Variants in EXOC6B observed in about 807,000 individuals in gnomAD.
EXOC6B encodes SEC15 homolog B.
Under a neutral mutation model 113.5 loss-of-function variants are expected in EXOC6B, and 54 were observed. The ratio of observed to expected loss-of-function variants is 0.48; its 90% CI spans 0.38 to 0.60. EXOC6B has a LOEUF of 0.60. EXOC6B is among the 20% of genes least tolerant of loss of function. EXOC6B has a pLI of 0.00. For synonymous variants in EXOC6B, 357 were observed against 339.0 expected, an observed-to-expected ratio of 1.05 and a Z score of -0.58; for missense variants, 797 against 977.5, an observed-to-expected ratio of 0.82 and a Z score of 2.46.
chr2:72,476,428 A>G (rs1411746911), intron 17 of EXOC6B, among the ~76,000 whole-genome samples: 1 of 152,168 alleles, frequency 6.6e-6, no homozygotes, highest in African/African-American at 2.4e-5. Context: ...GGAGGAGGTG[A>G]GTATGAAATA....
chr2:72,684,237 C>A (rs1676928840), intron 6 of EXOC6B, among the ~76,000 whole-genome samples: 1 of 152,050 alleles, frequency 6.6e-6, no homozygotes, highest in Admixed American at 6.6e-5. Flanking sequence ...GCAATTTATT[C>A]TTATATCCCT....
At chr2:72,558,449 A>G (rs1703694594) in intron 8 of EXOC6B, among the ~76,000 whole-genome samples, 1 of 152,196 alleles carries the variant, frequency 6.6e-6, no homozygotes, top group South Asian at 2.1e-4. Context: ...GTCAGGAGTA[A>G]TGACAAAGTG....
chr2:72,194,597 C>CTCTCTCTCTCTCTCTG (rs747161190), intron 20 of EXOC6B, among the ~76,000 whole-genome samples: 8 of 147,410 alleles, frequency 5.4e-5, no homozygotes, highest in African/African-American at 9.8e-5. Context: ...CTCTCTCTCT[C>CTCTCTCTCTCTCTCTG]TGTGTGTGTG....
At chr2:72,577,871 A>T (rs2103840738) in intron 6 of EXOC6B, among the ~76,000 whole-genome samples, 1 of 152,146 alleles carries the variant, frequency 6.6e-6, no homozygotes, top group East Asian at 1.9e-4. Flanking sequence ...GAATAGAGGG[A>T]GAGGGGTACA....
Position 72,315,339 on chromosome 2 carries a change from A to ATGTGTG in EXOC6B, c.2196+19602_2196+19607dup, listed in dbSNP as rs141556284. Among the ~76,000 whole-genome samples the ATGTGTG allele has an allele frequency of 3.9e-3, 574 of 148,668 alleles. 9 individuals carry two copies. Among genetic ancestry groups the ATGTGTG allele is most frequent in the African/African-American group, 0.014 (556 of 40,766 alleles). Reference sequence around the variant, plus strand: ...AAGTAGTCACAGAGTTAAAGGGTGTATGTGTGTGTGTGTGTGTGTGTGAAG... The same window carrying ATGTGTG: ...AAGTAGTCACAGAGTTAAAGGGTGTATGTGTGTGTGTGTGTGTGTGTGTGTGTGAAG... On this transcript the variant is annotated intron_variant, in intron 20 of 21. Coordinates refer to ENST00000272427, the MANE Select transcript of EXOC6B (RefSeq NM_015189.3).
chr2:72,300,520 G>A (rs1686441671), intron 20 of EXOC6B, among the ~76,000 whole-genome samples: 1 of 152,302 alleles, frequency 6.6e-6, no homozygotes. Context: ...CTCCTTTCCA[G>A]GGGAGTGAAT....
chr2:72,557,762 G>A (rs1703646051), intron 8 of EXOC6B, among the ~76,000 whole-genome samples: 1 of 151,888 alleles, frequency 6.6e-6, no homozygotes, highest in South Asian at 2.1e-4. Context: ...CGTGACATGA[G>A]TTTACCTATG....
rs895674726 is a variant in EXOC6B at position 72,490,096 on chromosome 2, A to G, written c.1665+2222T>C. Among the ~76,000 whole-genome samples, 6 of 152,168 alleles carry G rather than the reference A, an allele frequency of 3.9e-5. No homozygotes were observed. In the East Asian group the frequency reaches 7.7e-4, roughly 19 times the overall value. On this transcript the variant is annotated intron_variant, in intron 16 of 21. Coordinates refer to ENST00000272427, the MANE Select transcript of EXOC6B (RefSeq NM_015189.3). ...AATTTTGTGGGCTTATCATAATTCT[A>G]TTATCTCTGACTAAAACAATATCCA... is the stretch of plus-strand genomic sequence containing the variant.
At chr2:72,309,320 G>C (rs955726439) in intron 20 of EXOC6B, among the ~76,000 whole-genome samples, 5 of 152,104 alleles carry the variant, frequency 3.3e-5, no homozygotes, top group African/African-American at 1.2e-4. Flanking sequence ...ATAAATACTT[G>C]TAATGTTTTT....
At chr2:72,507,278 T>C (rs921733094) in intron 11 of EXOC6B, among the ~76,000 whole-genome samples, 2 of 152,082 alleles carry the variant, frequency 1.3e-5, no homozygotes, top group South Asian at 2.1e-4. Context: ...ATAAATAGTG[T>C]CATGAAATAC....
chr2:72,756,523 C>T (rs1394239557), intron 1 of EXOC6B, among the ~76,000 whole-genome samples: 2 of 152,108 alleles, frequency 1.3e-5, no homozygotes, highest in East Asian at 3.9e-4. Context: ...TATTTGACCA[C>T]CCAGTAATTT....
chr2:72,431,896 T>C (rs1695556403), intron 18 of EXOC6B, among the ~76,000 whole-genome samples: 1 of 152,114 alleles, frequency 6.6e-6, no homozygotes, highest in Admixed American at 6.5e-5. Flanking sequence ...GAATATACAA[T>C]GTTTGGTTTT....
chr2:72,815,806 T>C (rs1686205775), intron 1 of EXOC6B, among the ~76,000 whole-genome samples: 1 of 152,154 alleles, frequency 6.6e-6, no homozygotes, highest in African/African-American at 2.4e-5. Context: ...ATTCCAGATA[T>C]ATTCATCATT....
Position 72,657,567 on chromosome 2 carries a change from C to CTTTTTTTTTTTTTT in EXOC6B, c.669+60522_669+60535dup, listed in dbSNP as rs70963136. On this transcript the variant is annotated intron_variant, in intron 6 of 21. Coordinates refer to ENST00000272427, the MANE Select transcript of EXOC6B (RefSeq NM_015189.3). ...TATTAGGTCTTTCCTCTTTCCTTTT[C>CTTTTTTTTTTTTTT]TTTTTTTTTTTTTTTTTTTTTTTTT... Among the ~76,000 whole-genome samples, 165 of 50,384 alleles carry CTTTTTTTTTTTTTT rather than the reference C, an allele frequency of 3.3e-3. 6 individuals are homozygous for CTTTTTTTTTTTTTT. Among genetic ancestry groups the CTTTTTTTTTTTTTT allele is most frequent in the East Asian group, 4.5e-3 (7 of 1,572 alleles). The allele number at this position is 50,384 out of a possible 152,430, so 33.1% of individuals were successfully genotyped here.
At chr2:72,794,143 G>A (rs1237859290) in intron 1 of EXOC6B, among the ~76,000 whole-genome samples, 1 of 152,168 alleles carries the variant, frequency 6.6e-6, no homozygotes, top group East Asian at 1.9e-4. Context: ...ATGCTAAATA[G>A]TTCCCCTTGT....
chr2:72,468,778 TA>T (rs1313841480), intron 17 of EXOC6B, among the ~76,000 whole-genome samples: 1 of 152,206 alleles, frequency 6.6e-6, no homozygotes, highest in Non-Finnish European at 1.5e-5. Flanking sequence ...CAAACTAGGA[TA>T]TCTTTTTATT....
At chr2:72,816,977 A>C (rs775115845) in intron 1 of EXOC6B, among the ~76,000 whole-genome samples, 10 of 152,130 alleles carry the variant, frequency 6.6e-5, no homozygotes, top group Non-Finnish European at 5.9e-5. Context: ...TAATTTTTTC[A>C]TTTTTCCAGT....
intron 20 of EXOC6B, among the ~76,000 whole-genome samples, chr2:72,261,862 G>A (rs191440982): frequency 4.6e-5 from 7 of 152,106 alleles, no homozygotes; most frequent in Non-Finnish European, 7.4e-5. Flanking sequence ...CTTTAGCAGC[G>A]TCCTCCTTCA....
At chr2:72,597,679 T>C (rs2103976771) in intron 6 of EXOC6B, among the ~76,000 whole-genome samples, 1 of 152,000 alleles carries the variant, frequency 6.6e-6, no homozygotes, top group Non-Finnish European at 1.5e-5. Context: ...CTCAGCTATA[T>C]GTTGCCTATA....
Sources: allele counts gnomAD v4.1 joint callset (sites outside exome capture counted in the v4.1 genomes callset), GRCh38; gene constraint gnomAD v4.1.1; transcripts MANE v1.5; gene names NCBI Gene and HGNC (gene_info 2026-07-23, HGNC 2026-07-21).